CHCHD3: variants seen among roughly 807,000 people sequenced by gnomAD.
CHCHD3 encodes coiled-coil-helix-coiled-coil-helix domain containing 3.
In CHCHD3, 20 loss-of-function variants were observed where a neutral mutation model predicts 38.2. That is an observed-to-expected ratio of 0.52 (90% CI 0.37 to 0.76). CHCHD3 has a LOEUF of 0.76. Ranked by LOEUF, CHCHD3 falls within the 30% of genes least tolerant of loss-of-function variation. The pLI is 0.00. For missense variants in CHCHD3, 245 were observed against 279.2 expected, an observed-to-expected ratio of 0.88 and a Z score of 0.87; for synonymous variants, 82 against 100.0, an observed-to-expected ratio of 0.82 and a Z score of 1.07.
rs568764430 is a variant in CHCHD3 at position 132,797,796 on chromosome 7, C to T, written c.525-1219G>A. ...ATGATAATGAACCAAATGAGTTATA[C>T]GAATGAAGGTAAAATATTCTGATTA... On this transcript the variant is annotated intron_variant, in intron 6 of 7. Coordinates refer to ENST00000262570, the MANE Select transcript of CHCHD3 (RefSeq NM_017812.4). Among the ~76,000 whole-genome samples the T allele has an allele frequency of 3.3e-5, 5 of 152,018 alleles. No homozygotes were observed. The East Asian group carries it at 5.8e-4, about 18-fold the overall frequency.
In CHCHD3 at chr7:133,013,872, C is replaced by CT. The variant is rs548803910; in HGVS notation, c.251+10673dup. On this transcript the variant is annotated intron_variant, in intron 3 of 7. Transcript: ENST00000262570. ...AGGTATGTATTTCCCTGGTAATTTTCTTTTTTTTTGTTAAAGAAACAAACA... is the reference window on the plus strand; with the variant it reads ...AGGTATGTATTTCCCTGGTAATTTTCTTTTTTTTTTGTTAAAGAAACAAACA... Among the ~76,000 whole-genome samples the CT allele has an allele frequency of 1.9e-3, 290 of 151,044 alleles. 2 individuals carry two copies. Among genetic ancestry groups the CT allele is most frequent in the African/African-American group, 6.0e-3 (249 of 41,180 alleles).
chr7:132,986,142 C>A (rs1211136252), intron 3 of CHCHD3, among the ~76,000 whole-genome samples: 1 of 150,390 alleles, frequency 6.6e-6, no homozygotes, highest in African/African-American at 2.5e-5. Flanking sequence ...GCTGTGTCCA[C>A]TCAGGGTTGA....
intron 6 of CHCHD3, among the ~76,000 whole-genome samples, chr7:132,812,536 G>A (rs2117053955): frequency 6.6e-6 from 1 of 152,138 alleles, no homozygotes; most frequent in Non-Finnish European, 1.5e-5. Flanking sequence ...TATTTCCATT[G>A]CCATTATCCT....
At chr7:133,026,605 C>T in intron 2 of CHCHD3, among the ~76,000 whole-genome samples, 1 of 152,138 alleles carries the variant, frequency 6.6e-6, no homozygotes. Flanking sequence ...TCACAACATC[C>T]CAAAGCTAAA....
intron 4 of CHCHD3, among the ~76,000 whole-genome samples, chr7:132,899,799 T>C (rs1485952327): frequency 6.6e-6 from 1 of 152,216 alleles, no homozygotes; most frequent in Non-Finnish European, 1.5e-5. Flanking sequence ...TCTGTACAAT[T>C]CAGAGGATAG....
At chr7:132,966,391 G>A (rs933920297) in intron 4 of CHCHD3, among the ~76,000 whole-genome samples, 4 of 152,138 alleles carry the variant, frequency 2.6e-5, no homozygotes, top group African/African-American at 9.7e-5. Flanking sequence ...ACACAGGTCA[G>A]AACATCAAGA....
rs184716798 is a variant in CHCHD3, at chr7:133,061,360, A to G, written c.169+8782T>C. Among the ~76,000 whole-genome samples, 149 of 152,250 alleles carry G rather than the reference A, an allele frequency of 9.8e-4. 2 individuals carry two copies. Among genetic ancestry groups the G allele is most frequent in the East Asian group, 5.8e-4 (3 of 5,184 alleles). On this transcript the variant is annotated intron_variant, in intron 2 of 7. Coordinates refer to ENST00000262570, the MANE Select transcript of CHCHD3 (RefSeq NM_017812.4). The stretch of plus-strand genomic sequence containing the variant: ...GATGGGAGAAACTGCAAAGCGTAAC[A>G]TAATAAATTGGGAAATGCAGAGCAA...
At chr7:133,081,815 C>G (rs764052042) in intron 1 of CHCHD3, 42 bp downstream of exon 1, 24 of 1,543,220 alleles carry the variant, frequency 1.6e-5, no homozygotes, top group Non-Finnish European at 2.0e-5. Context: ...CCTTGGGGTC[C>G]GAGTCCAACC....
intron 6 of CHCHD3, chr7:132,813,587 T>C (rs1807127619): frequency 6.6e-6 from 1 of 152,236 alleles, no homozygotes; most frequent in Non-Finnish European, 1.5e-5. Flanking sequence ...GCTGTTGTTA[T>C]TATTAATACA....
rs190202091 is a variant in CHCHD3 at position 133,043,246 on chromosome 7, T to C, written c.170-18619A>G. 3.2e-4 allele frequency among the ~76,000 whole-genome samples: 48 copies of C among 152,298 alleles called. No homozygotes were observed. The East Asian group carries it at 9.1e-3, about 29-fold the overall frequency. ...AAATTTAACTTGTTGCAGCCTTTAA[T>C]TATGAAAAAAATTTAAATATGACAC... On this transcript the variant is annotated intron_variant, in intron 2 of 7. Coordinates refer to ENST00000262570, the MANE Select transcript of CHCHD3 (RefSeq NM_017812.4).
intron 6 of CHCHD3, among the ~76,000 whole-genome samples, chr7:132,808,935 C>T (rs1806999511): frequency 1.4e-5 from 2 of 144,960 alleles, no homozygotes; most frequent in African/African-American, 5.1e-5. Context: ...ATCGCAAGAA[C>T]AAAAAACCTT....
chr7:132,853,335 A>C (rs1481532358), intron 5 of CHCHD3, among the ~76,000 whole-genome samples: 2 of 152,182 alleles, frequency 1.3e-5, no homozygotes, highest in African/African-American at 2.4e-5. Context: ...AATGAGTAAG[A>C]CAGATTTACT....
chr7:132,917,686 C>T (rs1810142388), intron 4 of CHCHD3, among the ~76,000 whole-genome samples: 1 of 151,786 alleles, frequency 6.6e-6, no homozygotes, highest in Admixed American at 6.6e-5. Flanking sequence ...GTGAAACCCC[C>T]GTCTCTACTA....
At chr7:132,970,462 A>G (rs1306267446) in intron 4 of CHCHD3, among the ~76,000 whole-genome samples, 1 of 152,236 alleles carries the variant, frequency 6.6e-6, no homozygotes, top group Non-Finnish European at 1.5e-5. Flanking sequence ...AAATGCAAAC[A>G]TAGCAATTAG....
At chr7:133,018,385 T>C (rs1333676741) in intron 3 of CHCHD3, among the ~76,000 whole-genome samples, 2 of 152,192 alleles carry the variant, frequency 1.3e-5, no homozygotes, top group Non-Finnish European at 2.9e-5. Flanking sequence ...ACAAGTGAAA[T>C]TCATTTGCCT....
intron 6 of CHCHD3, among the ~76,000 whole-genome samples, chr7:132,820,722 T>A (rs1353918587): frequency 6.6e-6 from 1 of 151,114 alleles, no homozygotes. Flanking sequence ...AGCCACACTG[T>A]CCTTTTTACT....
chr7:132,984,372 G>A (rs1443600375), intron 3 of CHCHD3, among the ~76,000 whole-genome samples: 1 of 151,526 alleles, frequency 6.6e-6, no homozygotes, highest in African/African-American at 2.4e-5. Context: ...GTGCTCAATG[G>A]TGCCCAGGCT....
chr7:132,801,507 T>G (rs1806793575), intron 6 of CHCHD3, among the ~76,000 whole-genome samples: 1 of 152,166 alleles, frequency 6.6e-6, no homozygotes, highest in Non-Finnish European at 1.5e-5. Context: ...TTTCTTTTGA[T>G]TACTAACATG....
chr7:132,994,946 T>A (rs1812376958), intron 3 of CHCHD3, among the ~76,000 whole-genome samples: 1 of 152,196 alleles, frequency 6.6e-6, no homozygotes, highest in South Asian at 2.1e-4. Flanking sequence ...AGCAATCAAT[T>A]TCATGCCTCT....
Sources: allele counts gnomAD v4.1 joint callset (sites outside exome capture counted in the v4.1 genomes callset), GRCh38; gene constraint gnomAD v4.1.1; transcripts MANE v1.5; gene names NCBI Gene and HGNC (gene_info 2026-07-23, HGNC 2026-07-21).